The following INSR variants were observed in gnomAD, a reference collection of about 807,000 sequenced individuals.
The protein encoded by INSR is IR.
In INSR, 67 loss-of-function variants were observed where a neutral mutation model predicts 142.6. That is an observed-to-expected ratio of 0.47 (90% confidence interval 0.39 to 0.58). The LOEUF (loss-of-function observed/expected upper bound fraction) is 0.58. Ranked by LOEUF, INSR falls within the 20% of genes least tolerant of loss-of-function variation. The pLI is 0.00. For synonymous variants in INSR, 756 were observed against 743.1 expected (o/e 1.02, Z -0.28); for missense variants, 1,248 against 1,833.2 (o/e 0.68, Z 5.83).
intron 2 of INSR, among the ~76,000 whole-genome samples, chr19:7,210,558 T>G (rs62112761): frequency 0.28 from 42,459 of 151,900 alleles, 6,871 homozygotes; most frequent in East Asian, 0.45. Context: ...GTGTGCCTGG[T>G]CCTCAGTTTC....
At chr19:7,250,255 G>A (rs1040808079) in intron 2 of INSR, among the ~76,000 whole-genome samples, 6 of 145,912 alleles carry the variant, frequency 4.1e-5, no homozygotes, top group African/African-American at 1.3e-4. Context: ...GGGAAGAGAG[G>A]GGATGGGAAG....
intron 2 of INSR, among the ~76,000 whole-genome samples, chr19:7,226,097 A>C (rs1975770259): frequency 6.6e-6 from 1 of 152,240 alleles, no homozygotes. Context: ...GTAACACTAA[A>C]AAAGGAAAAT....
intron 2 of INSR, among the ~76,000 whole-genome samples, chr19:7,241,780 G>C (rs1976353054): frequency 6.6e-6 from 1 of 152,116 alleles, no homozygotes; most frequent in Non-Finnish European, 1.5e-5. Context: ...GTAATGTACA[G>C]GGCAGTCCCC....
intron 8 of INSR, among the ~76,000 whole-genome samples, chr19:7,163,971 CGCCTGTAATCTCA>C (rs1321877152): frequency 7.6e-6 from 1 of 131,164 alleles, no homozygotes; most frequent in Non-Finnish European, 1.6e-5. Flanking sequence ...TGGTGGTGGG[CGCCTGTAATCTCA>C]GCTTCCTGGG....
chr19:7,267,484 G>C lies in INSR; in HGVS notation c.513C>G (p.Tyr171Ter). ...CGTTGTCATCTTTGTTCAACACGAT[G>C]TAATTATCCTCCACGGAATCCAGGA... The part of the protein sequence containing the change: ...SRILDSVEDN[Y>*]IVLNKDDNEE... Residue 171 changes from tyrosine to a stop codon, truncating the protein, a stop_gained, in exon 2 of 22, where the codon TAC becomes TAG. Transcript: ENST00000302850. LOFTEE classifies it high-confidence loss of function. The surrounding 1 kb of genome is among the most constrained non-coding windows in gnomAD (Gnocchi z 6.3). 1 of 1,614,090 alleles carries C rather than the reference G, an allele frequency of 6.2e-7. No homozygotes were observed. The highest frequency in any genetic ancestry group is 8.5e-7 in the Non-Finnish European group (1 of 1,180,010).
At position 7,158,404 on chromosome 19, in the gene INSR, C is replaced by T. The variant is rs571744429; in HGVS notation, c.2029+4628G>A. On this transcript the variant is annotated intron_variant, in intron 9 of 21. Transcript: ENST00000302850. ...TAGTCCCAGCTACTCGGGAGGCTGA[C>T]GCAGGAGAATGGCGTGAACCCGGGA... 1.4e-4 allele frequency among the ~76,000 whole-genome samples: 22 copies of T among 151,990 alleles called. No individual in the cohort carries two copies. The Middle Eastern group carries it at 0.01, about 70-fold the overall frequency.
intron 1 of INSR, among the ~76,000 whole-genome samples, chr19:7,290,823 A>G (rs1968472714): frequency 6.6e-6 from 1 of 151,374 alleles, no homozygotes; most frequent in African/African-American, 2.4e-5. Flanking sequence ...TGTAATCCCA[A>G]CACTTTGGGA....
rs141333611 is a variant in INSR, at chr19:7,269,038, CCACA to C, written c.101-1146_101-1143del. Among the ~76,000 whole-genome samples the C allele has an allele frequency of 7.8e-4, 115 of 146,950 alleles. No individual in the cohort carries two copies. The Middle Eastern group carries it at 0.01, about 13-fold the overall frequency. ...TCTCTCTGCCAACACACCCACACAC[CCACA>C]CACACACACACACACACACCGCCTC... is the stretch of plus-strand genomic sequence containing the variant. On this transcript the variant is annotated intron_variant, in intron 1 of 21. Transcript: ENST00000302850.
rs560716355 is a variant in INSR, at chr19:7,117,494, C to T, written c.3795-84G>A. 1.9e-5 allele frequency: 19 copies of T among 998,308 alleles called. No homozygotes were observed. The African/African-American group carries it at 2.1e-4, about 11-fold the overall frequency. The allele number at this position is 998,308 out of a possible 1,614,324, so 61.8% of individuals were successfully genotyped here. A position where few individuals can be genotyped will look rare whatever the true frequency, so the allele number is the denominator to read the frequency against. The stretch of plus-strand genomic sequence containing the variant: ...AAACCCCCACTCTTGTCCCTGCAGC[C>T]GACACCCACGGACCACATGTGCTCA... On this transcript the variant is annotated intron_variant, in intron 21 of 21. Transcript: ENST00000302850.
intron 14 of INSR, among the ~76,000 whole-genome samples, chr19:7,130,165 G>C (rs1203846007): frequency 1.3e-5 from 2 of 152,226 alleles, no homozygotes; most frequent in Non-Finnish European, 2.9e-5. Flanking sequence ...AGATGAGGAA[G>C]TGCAGGATTG....
At chr19:7,162,610 CG>C (rs1370437053) in intron 9 of INSR, among the ~76,000 whole-genome samples, 1 of 151,124 alleles carries the variant, frequency 6.6e-6, no homozygotes, top group African/African-American at 2.4e-5. Context: ...CACCTGAGGT[CG>C]GGAGTTTGAG....
chr19:7,142,032 A>C (rs1973082254), intron 12 of INSR, among the ~76,000 whole-genome samples: 1 of 151,072 alleles, frequency 6.6e-6, no homozygotes, highest in African/African-American at 2.4e-5. Context: ...TTTGAGACAG[A>C]GTCTTGCTCT....
At chr19:7,245,666 G>A (rs897338869) in intron 2 of INSR, among the ~76,000 whole-genome samples, 14 of 151,380 alleles carry the variant, frequency 9.2e-5, no homozygotes, top group Non-Finnish European at 1.9e-4. Flanking sequence ...GGCTGGTCTC[G>A]AACTCCTGAC....
chr19:7,152,806 A>T lies in INSR; in HGVS notation c.2151T>A (p.Ser717=), dbSNP rs1267697172. ...ACTCCTCCAGCTCCTTCAGGATCTGAGAGTCTGTCTTTGGACAGGAGCAGC... is the reference window on the plus strand; with the variant it reads ...ACTCCTCCAGCTCCTTCAGGATCTGTGAGTCTGTCTTTGGACAGGAGCAGC... ...GECCSCPKTD[S]QILKELEESS... Residue 717 remains serine, a synonymous_variant, in exon 10 of 22, where the codon TCT becomes TCA. Coordinates refer to ENST00000302850, the MANE Select transcript of INSR (RefSeq NM_000208.4). 6.2e-7 allele frequency: 1 copy of T among 1,613,536 alleles called. No individual in the cohort carries two copies. The highest frequency in any genetic ancestry group is 1.7e-5 in the Admixed American group (1 of 59,988).
intron 2 of INSR, among the ~76,000 whole-genome samples, chr19:7,234,272 T>C (rs1055233071): frequency 6.6e-6 from 1 of 151,878 alleles, no homozygotes; most frequent in African/African-American, 2.4e-5. Flanking sequence ...AGTGGTGCGA[T>C]CATAACTCAC....
intron 2 of INSR, among the ~76,000 whole-genome samples, chr19:7,189,344 G>A (rs1974515671): frequency 6.6e-6 from 1 of 152,306 alleles, no homozygotes; most frequent in Non-Finnish European, 1.5e-5. Flanking sequence ...TTGCAAACAA[G>A]GCCAGAGGCT....
intron 2 of INSR, among the ~76,000 whole-genome samples, chr19:7,252,931 T>C (rs1976773553): frequency 6.6e-6 from 1 of 152,120 alleles, no homozygotes; most frequent in African/African-American, 2.4e-5. Flanking sequence ...CTGGCCAACA[T>C]GGTGAAACCC....
chr19:7,137,235 TA>T (rs1972952034), intron 13 of INSR, among the ~76,000 whole-genome samples: 1 of 150,704 alleles, frequency 6.6e-6, no homozygotes, highest in South Asian at 2.1e-4. Flanking sequence ...TTATGGTATG[TA>T]AGTTACAGCT....
intron 2 of INSR, among the ~76,000 whole-genome samples, chr19:7,221,613 C>T (rs147632697): frequency 0.021 from 3,188 of 151,278 alleles, 43 homozygotes; most frequent in Middle Eastern, 0.035. Context: ...GACGCTGAGG[C>T]AGGAGAATCG....
Sources: gnomAD v4.1 joint callset for allele counts (sites outside exome capture counted in the v4.1 genomes callset) on GRCh38, gnomAD v4.1.1 for gene constraint, Gnocchi (gnomAD v3.1) non-coding constraint, MANE v1.5 for transcripts, NCBI Gene and HGNC (gene_info 2026-07-23, HGNC 2026-07-21) for gene names.